The following LRRC4C variants were observed in gnomAD, a reference collection of about 807,000 sequenced individuals.
LRRC4C encodes the protein leucine rich repeat containing 4C.
Under a neutral mutation model 33.6 loss-of-function variants are expected in LRRC4C, and 5 were observed. That is an observed-to-expected ratio of 0.15 (90% CI 0.08 to 0.31). LRRC4C has a LOEUF of 0.31. LRRC4C is among the 10% of genes least tolerant of loss of function. The pLI, the probability that LRRC4C is intolerant of heterozygous loss-of-function variation, is 1.00. For synonymous variants in LRRC4C, 329 were observed against 302.0 expected (o/e 1.09, Z -0.93); for missense variants, 560 against 796.7 (o/e 0.70, Z 3.58).
At chr11:40,708,564 T>C (rs2136559164) in intron 2 of LRRC4C, among the ~76,000 whole-genome samples, 1 of 152,340 alleles carries the variant, frequency 6.6e-6, no homozygotes, top group Admixed American at 6.5e-5. Flanking sequence ...TTGATTGCCC[T>C]GTGGTCTGAG....
intron 3 of LRRC4C, among the ~76,000 whole-genome samples, chr11:40,537,243 C>T (rs571201152): frequency 6.6e-6 from 1 of 152,240 alleles, no homozygotes; most frequent in South Asian, 2.1e-4. Context: ...ATGATTCCAT[C>T]CAGGGTTAGT....
At chr11:40,707,626 G>A (rs1403523532) in intron 2 of LRRC4C, among the ~76,000 whole-genome samples, 1 of 152,046 alleles carries the variant, frequency 6.6e-6, no homozygotes, top group Non-Finnish European at 1.5e-5. Flanking sequence ...ATTTTATTGA[G>A]GATTTTTGCA....
chr11:40,649,950 A>G (rs1324685538), intron 2 of LRRC4C, among the ~76,000 whole-genome samples: 1 of 152,216 alleles, frequency 6.6e-6, no homozygotes, highest in East Asian at 1.9e-4. Flanking sequence ...TTTAAACTGA[A>G]TACCATATTC....
chr11:40,830,426 T>C (rs1952361380), intron 2 of LRRC4C, among the ~76,000 whole-genome samples: 2 of 152,108 alleles, frequency 1.3e-5, no homozygotes, highest in African/African-American at 4.8e-5. Flanking sequence ...TACGCTCCTT[T>C]GTGTCAGTGT....
intron 3 of LRRC4C, among the ~76,000 whole-genome samples, chr11:40,539,424 G>A (rs990048782): frequency 1.3e-5 from 2 of 151,974 alleles, no homozygotes; most frequent in Non-Finnish European, 2.9e-5. Flanking sequence ...TCATTTATCT[G>A]TATATCTTCA....
chr11:40,485,070 C>T (rs2138443161), intron 3 of LRRC4C, among the ~76,000 whole-genome samples: 1 of 152,078 alleles, frequency 6.6e-6, no homozygotes, highest in Non-Finnish European at 1.5e-5. Flanking sequence ...GAAGGTGAAC[C>T]TGGGAATTTT....
At chr11:40,501,173 A>G (rs962880025) in intron 3 of LRRC4C, among the ~76,000 whole-genome samples, 15 of 152,040 alleles carry the variant, frequency 9.9e-5, no homozygotes, top group African/African-American at 3.4e-4. Context: ...CAACAACTGA[A>G]CAATTCTGCC....
At chr11:41,354,545 AG>A (rs1412500069) in intron 1 of LRRC4C, among the ~76,000 whole-genome samples, 3 of 152,082 alleles carry the variant, frequency 2.0e-5, no homozygotes, top group Non-Finnish European at 4.4e-5. Flanking sequence ...ATATTAAATC[AG>A]GGGAAAAAAA....
chr11:40,526,684 T>C (rs539585130), intron 3 of LRRC4C, among the ~76,000 whole-genome samples: 3 of 152,150 alleles, frequency 2.0e-5, no homozygotes, highest in Non-Finnish European at 4.4e-5. Context: ...ATACTGTATC[T>C]AGGTATAAGC....
At chr11:41,039,082 T>C (rs1053618214) in intron 1 of LRRC4C, among the ~76,000 whole-genome samples, 2 of 152,216 alleles carry the variant, frequency 1.3e-5, no homozygotes, top group Admixed American at 6.5e-5. Flanking sequence ...ATTTAAATCA[T>C]TAAATCCTTC....
chr11:40,136,073 A>C (rs2134887233), intron 6 of LRRC4C, among the ~76,000 whole-genome samples: 1 of 152,286 alleles, frequency 6.6e-6, no homozygotes. Flanking sequence ...TCACCACGCC[A>C]GTTTTTGTAA....
chr11:41,095,480 G>T (rs1940752023), intron 1 of LRRC4C, among the ~76,000 whole-genome samples: 2 of 152,244 alleles, frequency 1.3e-5, no homozygotes, highest in South Asian at 4.2e-4. Context: ...TCTTTCACCA[G>T]AACTCTTCTC....
At chr11:40,382,386 CAT>C (rs1948917324) in intron 3 of LRRC4C, among the ~76,000 whole-genome samples, 1 of 151,442 alleles carries the variant, frequency 6.6e-6, no homozygotes, top group Non-Finnish European at 1.5e-5. Flanking sequence ...GTATAACTGA[CAT>C]AGAAAAAGCT....
At chr11:40,131,702 T>A (rs61911792) in intron 6 of LRRC4C, among the ~76,000 whole-genome samples, 7,162 of 152,248 alleles carry the variant, frequency 0.047, 236 homozygotes, top group Middle Eastern at 0.075. Context: ...ATAGAAAGCT[T>A]TAGAACAGTG....
chr11:40,323,021 C>G (rs914538757), intron 3 of LRRC4C, among the ~76,000 whole-genome samples: 1 of 152,110 alleles, frequency 6.6e-6, no homozygotes, highest in South Asian at 2.1e-4. Flanking sequence ...ATTTGACTCA[C>G]CAATGAAATG....
chr11:40,712,426 A>T (rs2136603012), intron 2 of LRRC4C, among the ~76,000 whole-genome samples: 1 of 152,332 alleles, frequency 6.6e-6, no homozygotes, highest in South Asian at 2.1e-4. Context: ...TACATGCCAC[A>T]AAATATTTTT....
At chr11:40,547,012 T>G (rs1039819977) in intron 3 of LRRC4C, among the ~76,000 whole-genome samples, 2 of 152,154 alleles carry the variant, frequency 1.3e-5, no homozygotes, top group Admixed American at 1.3e-4. Context: ...ATTGAAATAA[T>G]AGATTTTACA....
intron 3 of LRRC4C, among the ~76,000 whole-genome samples, chr11:40,365,159 A>C (rs1206538382): frequency 6.6e-6 from 1 of 151,938 alleles, no homozygotes; most frequent in Non-Finnish European, 1.5e-5. Flanking sequence ...GGGGAAACTT[A>C]AAAGATTTTT....
intron 2 of LRRC4C, among the ~76,000 whole-genome samples, chr11:40,710,441 G>A (rs1046095359): frequency 2.0e-5 from 3 of 152,206 alleles, no homozygotes; most frequent in African/African-American, 7.2e-5. Context: ...CCTTCTAACA[G>A]TCAGGTCCCT....
Sources: allele counts gnomAD v4.1 joint callset (sites outside exome capture counted in the v4.1 genomes callset), GRCh38; gene constraint gnomAD v4.1.1; transcripts MANE v1.5; gene names NCBI Gene and HGNC (gene_info 2026-07-23, HGNC 2026-07-21).